Variants in GLIS3 observed in about 807,000 individuals in gnomAD.
GLIS3 encodes GLIS family zinc finger 3, also known as zinc finger protein GLIS3.
A neutral mutation model predicts 78.6 loss-of-function variants in GLIS3; 53 were observed. The ratio of observed to expected loss-of-function variants is 0.67; its 90% CI spans 0.54 to 0.85. The LOEUF is 0.85. Ranked by LOEUF, GLIS3 falls within the 40% of genes least tolerant of loss-of-function variation. The probability of loss-of-function intolerance (pLI) is 0.00; values close to 1 mark genes in which losing one functional copy is unlikely to be tolerated. For missense variants in GLIS3, 1,703 were observed against 1,231.1 expected (o/e 1.38, Z -5.74); for synonymous variants, 684 against 509.9 (o/e 1.34, Z -4.60).
intron 2 of GLIS3, among the ~76,000 whole-genome samples, chr9:4,175,664 G>A (rs981648613): frequency 1.3e-5 from 2 of 152,086 alleles, no homozygotes; most frequent in Non-Finnish European, 2.9e-5. Context: ...CCACTGTACT[G>A]GATAAGAAAT....
chr9:4,237,772 A>T (rs1051167614), intron 2 of GLIS3, among the ~76,000 whole-genome samples: 5 of 152,210 alleles, frequency 3.3e-5, no homozygotes, highest in African/African-American at 1.2e-4. Flanking sequence ...AATTGAGAAA[A>T]TAACTACTGA....
chr9:3,879,366 T>C, intron 8 of GLIS3, 61 bp downstream of exon 8: 1 of 1,518,572 alleles, frequency 6.6e-7, no homozygotes. Context: ...GTCAAGGCAC[T>C]TGTCTGTGAA....
intron 4 of GLIS3, among the ~76,000 whole-genome samples, chr9:4,054,680 A>AC (rs1323773719): frequency 1.3e-5 from 2 of 149,572 alleles, no homozygotes; most frequent in African/African-American, 5.1e-5. Flanking sequence ...TTTCTCAACA[A>AC]AAAAAAAGTA....
At chr9:3,903,241 T>G (rs1017424019) in intron 6 of GLIS3, among the ~76,000 whole-genome samples, 1 of 152,236 alleles carries the variant, frequency 6.6e-6, no homozygotes, top group Admixed American at 6.5e-5. Flanking sequence ...TAATACATGG[T>G]TAAATGAGGC....
At chr9:4,485,515 T>G in the GLIS3 span, among the ~76,000 whole-genome samples, 2 of 152,174 alleles carry the variant, frequency 1.3e-5, no homozygotes, top group Non-Finnish European at 1.5e-5. Context: ...CAAGTTATTC[T>G]TAAAAACTCC....
At chr9:4,049,493 G>A (rs1275689819) in intron 4 of GLIS3, among the ~76,000 whole-genome samples, 1 of 152,170 alleles carries the variant, frequency 6.6e-6, no homozygotes. Context: ...AATGCCCACA[G>A]CCCACAGATG....
At chr9:3,978,577 T>C (rs1485412814) in intron 4 of GLIS3, among the ~76,000 whole-genome samples, 2 of 152,092 alleles carry the variant, frequency 1.3e-5, no homozygotes, top group East Asian at 3.8e-4. Flanking sequence ...CCCCTCTTGC[T>C]GGACATTCAG....
intron 4 of GLIS3, among the ~76,000 whole-genome samples, chr9:4,011,012 C>T (rs1449578196): frequency 6.6e-6 from 1 of 152,146 alleles, no homozygotes; most frequent in Non-Finnish European, 1.5e-5. Context: ...AATTGAGCTA[C>T]TCAAGATGGA....
chr9:3,948,120 A>G (rs570605916), intron 4 of GLIS3, among the ~76,000 whole-genome samples: 39 of 152,282 alleles, frequency 2.6e-4, no homozygotes, highest in Non-Finnish European at 4.4e-4. Context: ...TGGTTCATCA[A>G]AACCATTCAC....
At chr9:4,151,339 C>G (rs1834661655) in intron 2 of GLIS3, among the ~76,000 whole-genome samples, 1 of 152,156 alleles carries the variant, frequency 6.6e-6, no homozygotes, top group African/African-American at 2.4e-5. Flanking sequence ...GCCTCTATCT[C>G]CTCAAACTAT....
At chr9:3,995,085 T>C (rs1820637054) in intron 4 of GLIS3, among the ~76,000 whole-genome samples, 1 of 152,054 alleles carries the variant, frequency 6.6e-6, no homozygotes, top group Non-Finnish European at 1.5e-5. Context: ...CAAGAACTTC[T>C]ACATGGCAAC....
the GLIS3 span, among the ~76,000 whole-genome samples, chr9:4,424,441 T>A: frequency 2.0e-5 from 3 of 152,254 alleles, no homozygotes; most frequent in African/African-American, 7.2e-5. Flanking sequence ...CTAGCCTAGA[T>A]TCCTAACAGG....
intron 4 of GLIS3, among the ~76,000 whole-genome samples, chr9:4,085,030 A>T (rs970183725): frequency 1.3e-5 from 2 of 151,946 alleles, no homozygotes; most frequent in Non-Finnish European, 2.9e-5. Context: ...ATAGAAAATG[A>T]TCTTGTTAGT....
intron 4 of GLIS3, among the ~76,000 whole-genome samples, chr9:4,058,799 T>G (rs1377549919): frequency 1.4e-4 from 21 of 151,842 alleles, no homozygotes; most frequent in Admixed American, 1.2e-3. Context: ...GCTAACACAG[T>G]GAAACCCCAT....
the GLIS3 span, among the ~76,000 whole-genome samples, chr9:4,385,634 C>T: frequency 1.4e-5 from 2 of 142,944 alleles, no homozygotes; most frequent in African/African-American, 5.2e-5. Context: ...TATTGCACTC[C>T]AGCCTGGGTG....
At chr9:4,403,619 T>C in the GLIS3 span, among the ~76,000 whole-genome samples, 7 of 152,338 alleles carry the variant, frequency 4.6e-5, no homozygotes, top group South Asian at 4.1e-4. Flanking sequence ...TGCATGTTTA[T>C]TTGTTTGGAT....
At chr9:4,421,456 G>A in the GLIS3 span, among the ~76,000 whole-genome samples, 1 of 152,350 alleles carries the variant, frequency 6.6e-6, no homozygotes, top group South Asian at 2.1e-4. Context: ...CCAATGCACT[G>A]ATCCATCATA....
intron 2 of GLIS3, 105 bp from the exon 3 acceptor site, chr9:4,126,046 T>A (rs1307923314): frequency 1.2e-6 from 1 of 861,212 alleles, no homozygotes; most frequent in Non-Finnish European, 1.9e-6. Context: ...GAGACAGTCC[T>A]CAGATCATTT....
chr9:4,485,017 G>T, the GLIS3 span, among the ~76,000 whole-genome samples: 1,884 of 149,536 alleles, frequency 0.013, 44 homozygotes, highest in African/African-American at 0.044. Flanking sequence ...TTTTTGGGGG[G>T]GTGGGGGTGG....
Sources: gnomAD v4.1 joint callset for allele counts (sites outside exome capture counted in the v4.1 genomes callset) on GRCh38, gnomAD v4.1.1 for gene constraint, MANE v1.5 for transcripts, NCBI Gene and HGNC (gene_info 2026-07-23, HGNC 2026-07-21) for gene names.